Variants in KIAA1217 observed in about 807,000 individuals in gnomAD.
The protein encoded by KIAA1217 is sickle tail protein homolog.
Under a neutral mutation model 163.9 loss-of-function variants are expected in KIAA1217, and 88 were observed. The ratio of observed to expected loss-of-function variants is 0.54; its 90% CI spans 0.45 to 0.64. The LOEUF (loss-of-function observed/expected upper bound fraction) is 0.64, where lower values mean the gene tolerates loss of function less well. KIAA1217 is among the 30% of genes least tolerant of loss of function. The pLI, the probability that KIAA1217 is intolerant of heterozygous loss-of-function variation, is 0.00. For missense variants in KIAA1217, 2,372 were observed against 2,475.0 expected (o/e 0.96, Z 0.88); for synonymous variants, 903 against 923.1 (o/e 0.98, Z 0.39).
intron 1 of KIAA1217, among the ~76,000 whole-genome samples, chr10:23,809,101 G>T (rs1836868872): frequency 6.6e-6 from 1 of 152,000 alleles, no homozygotes; most frequent in Non-Finnish European, 1.5e-5. Flanking sequence ...GACTTAAAAA[G>T]AATATGAGTA....
chr10:24,065,647 G>A (rs1399021297), intron 2 of KIAA1217, among the ~76,000 whole-genome samples: 1 of 152,224 alleles, frequency 6.6e-6, no homozygotes, highest in Admixed American at 6.5e-5. Context: ...TTCTGTAGAT[G>A]TCTATTAGGT....
chr10:23,929,906 AT>A (rs1843188077), intron 1 of KIAA1217, among the ~76,000 whole-genome samples: 1 of 152,192 alleles, frequency 6.6e-6, no homozygotes, highest in South Asian at 2.1e-4. Flanking sequence ...GGCTGAACTA[AT>A]TTATATTCCC....
chr10:24,327,733 C>T (rs748836099), intron 2 of KIAA1217, among the ~76,000 whole-genome samples: 2 of 152,272 alleles, frequency 1.3e-5, no homozygotes, highest in Middle Eastern at 3.4e-3. Flanking sequence ...TCACCTTGGC[C>T]TCCCAAAGTG....
chr10:24,376,454 C>T (rs1011260772), intron 2 of KIAA1217, among the ~76,000 whole-genome samples: 2 of 152,230 alleles, frequency 1.3e-5, no homozygotes, highest in African/African-American at 4.8e-5. Flanking sequence ...CTAGCATTCC[C>T]AGACTCCTGG....
At chr10:23,848,808 T>G (rs1487650403) in intron 1 of KIAA1217, among the ~76,000 whole-genome samples, 3 of 152,120 alleles carry the variant, frequency 2.0e-5, no homozygotes, top group African/African-American at 7.2e-5. Flanking sequence ...GTGGATTTTT[T>G]GTGAACAATA....
intron 1 of KIAA1217, among the ~76,000 whole-genome samples, chr10:23,740,981 G>A (rs1839079005): frequency 6.6e-6 from 1 of 152,080 alleles, no homozygotes; most frequent in Admixed American, 6.5e-5. Flanking sequence ...TTATGCTTGG[G>A]ATAAAGCAGA....
intron 1 of KIAA1217, among the ~76,000 whole-genome samples, chr10:23,974,418 C>T (rs1175896720): frequency 6.6e-6 from 1 of 152,136 alleles, no homozygotes; most frequent in East Asian, 1.9e-4. Flanking sequence ...TAGCTAGGCT[C>T]TCTGGACCTC....
At chr10:24,028,281 C>T (rs1270001374) in intron 2 of KIAA1217, among the ~76,000 whole-genome samples, 1 of 151,874 alleles carries the variant, frequency 6.6e-6, no homozygotes, top group East Asian at 1.9e-4. Context: ...ACACTAAAAA[C>T]AAAATGTTCA....
intron 1 of KIAA1217, among the ~76,000 whole-genome samples, chr10:23,976,083 G>A (rs1342889485): frequency 6.6e-6 from 1 of 152,122 alleles, no homozygotes; most frequent in Non-Finnish European, 1.5e-5. Flanking sequence ...GGACCCCACA[G>A]AGCAACAGAT....
intron 1 of KIAA1217, among the ~76,000 whole-genome samples, chr10:23,839,152 CTTATT>C (rs1189178396): frequency 6.6e-6 from 1 of 152,084 alleles, no homozygotes; most frequent in Non-Finnish European, 1.5e-5. Flanking sequence ...CTCCTATCTT[CTTATT>C]TTATCTAGTT....
intron 3 of KIAA1217, among the ~76,000 whole-genome samples, chr10:24,404,566 C>CAAAAAA (rs57209065): frequency 9.8e-5 from 5 of 51,176 alleles, no homozygotes; most frequent in Non-Finnish European, 1.5e-4. Context: ...GACTCTGTCT[C>CAAAAAA]AAAAAAAAAA....
intron 1 of KIAA1217, among the ~76,000 whole-genome samples, chr10:23,986,911 G>C (rs1289093485): frequency 6.6e-6 from 1 of 152,106 alleles, no homozygotes; most frequent in East Asian, 1.9e-4. Context: ...TGAATACAAC[G>C]GTTAGCAAAG....
At chr10:23,840,415 A>G (rs1364706549) in intron 1 of KIAA1217, among the ~76,000 whole-genome samples, 1 of 152,050 alleles carries the variant, frequency 6.6e-6, no homozygotes, top group Non-Finnish European at 1.5e-5. Context: ...TTGGCCTCCT[A>G]AAGTGTTGGG....
At chr10:24,531,288 T>C (rs1414600043) in intron 14 of KIAA1217, among the ~76,000 whole-genome samples, 3 of 152,154 alleles carry the variant, frequency 2.0e-5, no homozygotes, top group Non-Finnish European at 4.4e-5. Flanking sequence ...CTCATTTGCA[T>C]CCCATTTTTT....
At chr10:24,199,633 A>G (rs1289229873) in intron 2 of KIAA1217, among the ~76,000 whole-genome samples, 3 of 152,218 alleles carry the variant, frequency 2.0e-5, no homozygotes, top group Non-Finnish European at 1.5e-5. Flanking sequence ...ATGTGCAACC[A>G]ATGGCAATTT....
At chr10:24,233,988 A>T (rs995037052) in intron 2 of KIAA1217, among the ~76,000 whole-genome samples, 2 of 152,116 alleles carry the variant, frequency 1.3e-5, no homozygotes, top group African/African-American at 4.8e-5. Flanking sequence ...TGACCTCTTC[A>T]TTCTGTTTAG....
At chr10:23,825,465 T>C (rs1837856393) in intron 1 of KIAA1217, among the ~76,000 whole-genome samples, 1 of 152,202 alleles carries the variant, frequency 6.6e-6, no homozygotes, top group Non-Finnish European at 1.5e-5. Flanking sequence ...TAAATAATAG[T>C]GATAAATAAA....
At chr10:24,205,302 CAAAAA>C (rs61292023), upstream of KIAA1217, among the ~76,000 whole-genome samples, 5 of 36,610 alleles carry the variant, frequency 1.4e-4, no homozygotes, top group Non-Finnish European at 2.1e-4. Context: ...ACTAAAAATA[CAAAAA>C]AAAAAAAAAA....
At chr10:24,340,561 C>T (rs1035511340) in intron 2 of KIAA1217, among the ~76,000 whole-genome samples, 3 of 152,110 alleles carry the variant, frequency 2.0e-5, no homozygotes, top group East Asian at 3.9e-4. Flanking sequence ...CTAATACAGC[C>T]GGTTAATATC....
Sources: allele counts gnomAD v4.1 joint callset (sites outside exome capture counted in the v4.1 genomes callset), GRCh38; gene constraint gnomAD v4.1.1; transcripts MANE v1.5; gene names NCBI Gene and HGNC (gene_info 2026-07-23, HGNC 2026-07-21).